Variants in MAGI2 observed in about 807,000 individuals in gnomAD.
MAGI2 encodes membrane associated guanylate kinase, WW and PDZ domain containing 2.
Under a neutral mutation model 133.3 loss-of-function variants are expected in MAGI2, and 35 were observed. That is an observed-to-expected ratio of 0.26 (90% CI 0.20 to 0.35). The LOEUF (loss-of-function observed/expected upper bound fraction) is 0.35. Ranked by LOEUF, MAGI2 falls within the 10% of genes least tolerant of loss-of-function variation. The pLI is 1.00. For missense variants in MAGI2, 1,636 were observed against 1,863.4 expected (o/e 0.88, Z 2.25); for synonymous variants, 729 against 710.6 (o/e 1.03, Z -0.41).
chr7:78,955,709 CTT>C (rs5885103), intron 2 of MAGI2, among the ~76,000 whole-genome samples: 4,166 of 53,296 alleles, frequency 0.078, 233 homozygotes, highest in Admixed American at 0.18. Flanking sequence ...CCCTTTCTTT[CTT>C]TTTCTTTCTT....
intron 3 of MAGI2, among the ~76,000 whole-genome samples, chr7:78,530,211 A>G (rs1367400509): frequency 1.3e-5 from 2 of 152,106 alleles, no homozygotes; most frequent in African/African-American, 4.8e-5. Flanking sequence ...CCAAAACACA[A>G]TAACAACTGT....
At chr7:79,069,193 G>A (rs1158367990) in intron 1 of MAGI2, among the ~76,000 whole-genome samples, 1 of 152,148 alleles carries the variant, frequency 6.6e-6, no homozygotes, top group African/African-American at 2.4e-5. Flanking sequence ...AGTGTGGACA[G>A]TGGGGTGTTA....
intron 7 of MAGI2, among the ~76,000 whole-genome samples, chr7:78,353,698 G>A (rs1469539119): frequency 2.6e-5 from 4 of 152,182 alleles, no homozygotes; most frequent in Admixed American, 2.0e-4. Flanking sequence ...TTTGCTGGTT[G>A]GAGAAGGGGG....
At chr7:78,839,262 A>T (rs1197927720) in intron 2 of MAGI2, among the ~76,000 whole-genome samples, 2 of 152,114 alleles carry the variant, frequency 1.3e-5, no homozygotes, top group African/African-American at 4.8e-5. Context: ...ATAAAAATGT[A>T]GAATAGCTGG....
At chr7:78,837,972 T>C (rs1359989151) in intron 2 of MAGI2, among the ~76,000 whole-genome samples, 1 of 152,140 alleles carries the variant, frequency 6.6e-6, no homozygotes, top group Non-Finnish European at 1.5e-5. Context: ...CCTAGCCTTT[T>C]AGCTGGGTAC....
chr7:78,413,724 G>T (rs113170165), intron 6 of MAGI2, among the ~76,000 whole-genome samples: 1 of 151,936 alleles, frequency 6.6e-6, no homozygotes, highest in Admixed American at 6.6e-5. Context: ...AGAATGTGCC[G>T]GGAGGCTCTT....
chr7:78,339,497 T>G (rs1368693890), intron 9 of MAGI2, among the ~76,000 whole-genome samples: 1 of 152,262 alleles, frequency 6.6e-6, no homozygotes, highest in African/African-American at 2.4e-5. Context: ...AAGTCTTTTC[T>G]AGTTTTGAAA....
chr7:78,249,715 A>G (rs547773855), intron 10 of MAGI2, among the ~76,000 whole-genome samples: 5 of 152,182 alleles, frequency 3.3e-5, no homozygotes, highest in African/African-American at 1.2e-4. Context: ...GGTAGTGGGA[A>G]GGAGGGGTAG....
At chr7:78,941,567 C>T (rs893265287) in intron 2 of MAGI2, among the ~76,000 whole-genome samples, 7 of 151,996 alleles carry the variant, frequency 4.6e-5, no homozygotes, top group African/African-American at 1.7e-4. Flanking sequence ...AACTCCTGGC[C>T]TCAAGCCATC....
intron 6 of MAGI2, among the ~76,000 whole-genome samples, chr7:78,395,539 A>T (rs372929294): frequency 1.3e-5 from 2 of 152,172 alleles, no homozygotes; most frequent in East Asian, 1.9e-4. Flanking sequence ...TCTGCATTTT[A>T]TGCATTTTTG....
intron 2 of MAGI2, among the ~76,000 whole-genome samples, chr7:78,701,060 C>T (rs1818019513): frequency 6.6e-6 from 1 of 151,290 alleles, no homozygotes; most frequent in South Asian, 2.1e-4. Flanking sequence ...GTTTCTATAA[C>T]ATTGAAATGT....
intron 1 of MAGI2, among the ~76,000 whole-genome samples, chr7:79,424,031 T>G (rs544169393): frequency 6.6e-6 from 1 of 152,262 alleles, no homozygotes; most frequent in Admixed American, 6.5e-5. Flanking sequence ...TATGAAACAC[T>G]GCCTTTCCTC....
chr7:78,286,882 T>A lies in MAGI2; in HGVS notation c.1409-30301A>T, dbSNP rs570597650. On this transcript the variant is annotated intron_variant, in intron 9 of 21. Transcript: ENST00000354212. ...TAAAGACCAGGCAGATATGTTGATA[T>A]CAGAGCTTGTGGATTTATACCCAAA... is the stretch of plus-strand genomic sequence containing the variant. Among the ~76,000 whole-genome samples the A allele has an allele frequency of 6.6e-5, 10 of 152,220 alleles. No homozygotes were observed. In the South Asian group the frequency reaches 2.1e-3, roughly 32 times the overall value.
At chr7:79,037,755 T>G (rs1050324439) in intron 1 of MAGI2, among the ~76,000 whole-genome samples, 1 of 152,194 alleles carries the variant, frequency 6.6e-6, no homozygotes, top group Non-Finnish European at 1.5e-5. Flanking sequence ...GTGATTGATA[T>G]GTCATGTAAG....
intron 2 of MAGI2, among the ~76,000 whole-genome samples, chr7:78,727,411 T>C (rs1820924462): frequency 6.6e-6 from 1 of 152,212 alleles, no homozygotes; most frequent in East Asian, 1.9e-4. Context: ...TAAGTGCCCA[T>C]AGAAATACTA....
chr7:78,821,062 A>G (rs1374243673), intron 2 of MAGI2, among the ~76,000 whole-genome samples: 1 of 152,068 alleles, frequency 6.6e-6, no homozygotes, highest in Non-Finnish European at 1.5e-5. Flanking sequence ...GAATGCTGCA[A>G]GCAAAGATAG....
chr7:79,341,119 T>G (rs1840871027), intron 1 of MAGI2, among the ~76,000 whole-genome samples: 1 of 152,158 alleles, frequency 6.6e-6, no homozygotes, highest in South Asian at 2.1e-4. Context: ...TTTGAGCACA[T>G]AGCACTTATG....
chr7:78,333,765 A>G (rs1173370207), intron 9 of MAGI2, among the ~76,000 whole-genome samples: 1 of 152,220 alleles, frequency 6.6e-6, no homozygotes, highest in African/African-American at 2.4e-5. Context: ...CGCCCTGCGC[A>G]TGCTAGCCCC....
intron 2 of MAGI2, among the ~76,000 whole-genome samples, chr7:78,911,664 GTA>G (rs71973554): frequency 0.56 from 83,334 of 148,890 alleles, 24,354 homozygotes; most frequent in East Asian, 0.81. Context: ...AATTATGTGT[GTA>G]TATATATATA....
Sources: gnomAD v4.1 joint callset for allele counts (sites outside exome capture counted in the v4.1 genomes callset) on GRCh38, gnomAD v4.1.1 for gene constraint, MANE v1.5 for transcripts, NCBI Gene and HGNC (gene_info 2026-07-23, HGNC 2026-07-21) for gene names.